Variants in SPATA1 observed in about 807,000 individuals in gnomAD.
SPATA1 encodes spermatogenesis-associated protein 1.
SPATA1 carries 57 observed loss-of-function variants against 59.6 expected under a neutral mutation model. The observed-to-expected ratio is 0.96, with a 90% confidence interval of 0.77 to 1.19. SPATA1 has a LOEUF of 1.19. SPATA1 is among the 50% of genes most tolerant of loss of function. SPATA1 has a pLI of 0.00. For missense variants in SPATA1, 448 were observed against 480.7 expected, an observed-to-expected ratio of 0.93 and a Z score of 0.64; for synonymous variants, 147 against 163.9, an observed-to-expected ratio of 0.90 and a Z score of 0.79.
intron 6 of SPATA1, 43 bp downstream of exon 6, chr1:84,526,116 G>A (rs937639868): frequency 4.0e-6 from 6 of 1,510,056 alleles, no homozygotes; most frequent in East Asian, 2.4e-5. Flanking sequence ...GGCTATTATA[G>A]TACATTTTAG....
At chr1:84,542,518 A>AT (rs1359439923) in intron 8 of SPATA1, among the ~76,000 whole-genome samples, 1 of 150,630 alleles carries the variant, frequency 6.6e-6, no homozygotes, top group Non-Finnish European at 1.5e-5. Context: ...TCTTTGCTCT[A>AT]TTTTTCCACT....
At chr1:84,536,628 T>A (rs1231741559) in intron 8 of SPATA1, among the ~76,000 whole-genome samples, 1 of 151,962 alleles carries the variant, frequency 6.6e-6, no homozygotes, top group Non-Finnish European at 1.5e-5. Flanking sequence ...GTATTTTTAG[T>A]ACAGACGGTG....
At chr1:84,530,179 C>A (rs186654912) in intron 6 of SPATA1, among the ~76,000 whole-genome samples, 1 of 152,090 alleles carries the variant, frequency 6.6e-6, no homozygotes, top group South Asian at 2.1e-4. Context: ...CGCGCCTGGC[C>A]GAGCCTAAGA....
downstream of SPATA1, among the ~76,000 whole-genome samples, chr1:84,557,550 A>AAG (rs1558623541): frequency 1.1e-4 from 15 of 134,900 alleles, no homozygotes; most frequent in African/African-American, 4.9e-4. Flanking sequence ...AAAAAAAAAA[A>AAG]AAAGAAAAAA....
chr1:84,533,845 A>T, intron 8 of SPATA1, 79 bp downstream of exon 8: 1 of 839,452 alleles, frequency 1.2e-6, no homozygotes, highest in East Asian at 2.9e-5. Context: ...GAAACTGCAG[A>T]TTAAAATGTC....
chr1:84,520,644 C>T (rs1407731075), exon 3 of SPATA1: 6 of 1,578,528 alleles, frequency 3.8e-6, no homozygotes, highest in African/African-American at 1.4e-5. Context: ...AGCTAAATAC[C>T]ATTTCAACAG....
chr1:84,556,725 AAAAGAC>A (rs1684443383), downstream of SPATA1, among the ~76,000 whole-genome samples: 1 of 151,920 alleles, frequency 6.6e-6, no homozygotes, highest in South Asian at 2.1e-4. Context: ...AAAAAAAAAA[AAAAGAC>A]CACTTTGAAG....
intron 4 of SPATA1, among the ~76,000 whole-genome samples, chr1:84,563,581 G>A (rs1684634137): frequency 6.6e-6 from 1 of 151,904 alleles, no homozygotes; most frequent in African/African-American, 2.4e-5. Context: ...GAAAATGTAT[G>A]ATAATCATAA....
intron 4 of SPATA1, among the ~76,000 whole-genome samples, chr1:84,562,294 T>C (rs955137857): frequency 1.3e-5 from 2 of 152,224 alleles, no homozygotes; most frequent in African/African-American, 4.8e-5. Flanking sequence ...GACAGACTAA[T>C]ATAAACACTG....
intron 4 of SPATA1, among the ~76,000 whole-genome samples, chr1:84,524,842 A>T (rs1683154889): frequency 6.6e-6 from 1 of 151,880 alleles, no homozygotes; most frequent in Admixed American, 6.6e-5. Context: ...GAGTTTATTT[A>T]TTTATTTAAT....
At chr1:84,558,271 A>C (rs1193818805), downstream of SPATA1, among the ~76,000 whole-genome samples, 3 of 151,648 alleles carry the variant, frequency 2.0e-5, no homozygotes, top group Non-Finnish European at 4.4e-5. Context: ...ATAAATACAG[A>C]TAATTTTTGC....
At chr1:84,550,712 G>GA (rs1159309857) in intron 12 of SPATA1, 182 bp downstream of exon 12, 26 of 1,178,376 alleles carry the variant, frequency 2.2e-5, no homozygotes, top group Middle Eastern at 6.9e-4. Context: ...CTAAACCTGT[G>GA]AAAAGATACA....
intron 8 of SPATA1, among the ~76,000 whole-genome samples, chr1:84,542,145 G>A (rs568048197): frequency 1.3e-5 from 2 of 152,156 alleles, no homozygotes; most frequent in South Asian, 4.2e-4. Flanking sequence ...TGTATTTTTA[G>A]TAGAGACGGG....
intron 6 of SPATA1, among the ~76,000 whole-genome samples, chr1:84,528,940 G>C (rs572518700): frequency 6.6e-6 from 1 of 152,106 alleles, no homozygotes; most frequent in South Asian, 2.1e-4. Context: ...TGCATTTCCA[G>C]TTATCCCAAA....
chr1:84,516,617 C>G (rs1477061704), intron 2 of SPATA1, among the ~76,000 whole-genome samples: 3 of 152,086 alleles, frequency 2.0e-5, no homozygotes, highest in Non-Finnish European at 2.9e-5. Context: ...ATCCTATCAC[C>G]TTTTTCACTG....
intron 3 of SPATA1, among the ~76,000 whole-genome samples, 193 bp downstream of exon 3, chr1:84,520,884 C>T (rs1682995471): frequency 6.6e-6 from 1 of 152,056 alleles, no homozygotes; most frequent in African/African-American, 2.4e-5. Context: ...GTAGGAATAG[C>T]TCACTTGGCC....
At chr1:84,520,839 A>G (rs1570400441) in intron 3 of SPATA1, 148 bp downstream of exon 3, 2 of 626,644 alleles carry the variant, frequency 3.2e-6, no homozygotes, top group East Asian at 5.7e-5. Context: ...GAATACTATC[A>G]ATATATAGTG....
intron 10 of SPATA1, among the ~76,000 whole-genome samples, chr1:84,547,393 T>C (rs575634730): frequency 6.6e-6 from 1 of 152,344 alleles, no homozygotes; most frequent in Non-Finnish European, 1.5e-5. Flanking sequence ...GAGCCTACTA[T>C]GTGCCGGGCA....
At chr1:84,562,108 A>C (rs1199675870) in intron 4 of SPATA1, among the ~76,000 whole-genome samples, 1 of 152,210 alleles carries the variant, frequency 6.6e-6, no homozygotes, top group African/African-American at 2.4e-5. Context: ...TATGTCAAAC[A>C]ATTAAACTAC....
Sources: allele counts gnomAD v4.1 joint callset (sites outside exome capture counted in the v4.1 genomes callset), GRCh38; gene constraint gnomAD v4.1.1; transcripts MANE v1.5; gene names NCBI Gene and HGNC (gene_info 2026-07-23, HGNC 2026-07-21).